Variants in MUC12 observed in about 807,000 individuals in gnomAD.
The protein encoded by MUC12 is mucin 12, cell surface associated.
A neutral mutation model predicts 230.8 loss-of-function variants in MUC12; 172 were observed. The observed-to-expected ratio is 0.75, with a 90% CI of 0.66 to 0.85. MUC12 has a LOEUF of 0.85. MUC12 is among the 40% of genes least tolerant of loss of function. The pLI is 0.00. For missense variants in MUC12, 3,506 were observed against 5,920.6 expected (o/e 0.59, Z 13.38); for synonymous variants, 1,259 against 2,401.9 (o/e 0.52, Z 13.91).
intron 1 of MUC12, among the ~76,000 whole-genome samples, chr7:100,989,244 G>A (rs974895411): frequency 6.6e-6 from 1 of 151,782 alleles, no homozygotes; most frequent in Non-Finnish European, 1.5e-5. Flanking sequence ...AAGTAGCTGG[G>A]ATTACAGGTG....
In MUC12 at chr7:100,992,449, G is replaced by A. The variant is rs1478588984; in HGVS notation, c.1886G>A (p.Gly629Glu). 2.0e-6 allele frequency: 3 copies of A among 1,537,910 alleles called. No individual in the cohort carries two copies. The highest frequency in any genetic ancestry group is 1.2e-5 in the South Asian group (1 of 84,068). Residue 629 changes from glycine to glutamate, a missense_variant, in exon 2 of 12, where the codon GGA (glycine) becomes GAA (glutamate). Coordinates refer to ENST00000536621, the MANE Select transcript of MUC12 (RefSeq NM_001164462.2). ...CCTGCCGGCTCTACAACCCGTCAGGGAGAATCTACCACATTCCATAGCTGG... is the reference window on the plus strand; with the variant it reads ...CCTGCCGGCTCTACAACCCGTCAGGAAGAATCTACCACATTCCATAGCTGG... ...LSPAGSTTRQ[G>E]ESTTFHSWPS...
intron 10 of MUC12, 116 bp downstream of exon 10, chr7:101,015,807 C>T: frequency 1.1e-6 from 1 of 901,290 alleles, no homozygotes; most frequent in Non-Finnish European, 1.7e-6. Flanking sequence ...GTGGCTGTGA[C>T]TGACAGCCCG....
intron 1 of MUC12, among the ~76,000 whole-genome samples, chr7:100,978,844 C>T (rs1793066764): frequency 6.6e-6 from 1 of 151,806 alleles, no homozygotes; most frequent in Admixed American, 6.6e-5. Context: ...GCGTCTTTCT[C>T]TGTTGCCCAG....
intron 1 of MUC12, among the ~76,000 whole-genome samples, chr7:100,986,401 G>C (rs1453684061): frequency 7.1e-6 from 1 of 141,072 alleles, no homozygotes; most frequent in Non-Finnish European, 1.5e-5. Context: ...CCAGGTAACA[G>C]AGTGAGACCC....
chr7:101,015,789 C>G (rs547059686), intron 10 of MUC12, 98 bp downstream of exon 10: 6 of 1,103,616 alleles, frequency 5.4e-6, no homozygotes, highest in African/African-American at 1.6e-5. Context: ...GTCCAGCCCC[C>G]CTTTGGGGTG....
chr7:101,018,694 G>T lies in MUC12; in HGVS notation c.*58G>T, dbSNP rs1019893654. The T allele has an allele frequency of 1.6e-4, 244 of 1,497,050 alleles. No individual in the cohort carries two copies. The highest frequency in any genetic ancestry group is 2.0e-4 in the Non-Finnish European group (225 of 1,120,258). The allele number at this position is 1,497,050 out of a possible 1,614,324, so 92.7% of individuals were successfully genotyped here. A position where few individuals can be genotyped will look rare whatever the true frequency, so the allele number is the denominator to read the frequency against. On this transcript the variant is annotated 3_prime_UTR_variant, in exon 12 of 12. Transcript: ENST00000536621. ...TGTTCAGGAGAGCTGCAAACACAGA[G>T]CCCACCACAAGCCTCCGGGGCGGGT...
At chr7:101,006,094 G>C (rs375790661) in intron 2 of MUC12, among the ~76,000 whole-genome samples, 1 of 151,972 alleles carries the variant, frequency 6.6e-6, no homozygotes, top group East Asian at 1.9e-4. Flanking sequence ...CACCGCGCCG[G>C]GCCTCCTTCT....
At position 100,991,201 on chromosome 7, in the gene MUC12, C is replaced by A; in HGVS notation, c.638C>A (p.Thr213Lys). 6.5e-7 allele frequency: 1 copy of A among 1,537,754 alleles called. No homozygotes were observed. Among genetic ancestry groups the A allele is most frequent in the African/African-American group, 1.4e-5 (1 of 73,148 alleles). ...ACAACACTGTCCCCTGGCACTACCA[C>A]ACCATCATCCCTTGGTCCAGAATCT... ...TDTTLSPGTT[T>K]PSSLGPESTT... The change falls in exon 2 of 12, where the codon ACA (threonine) becomes AAA (lysine). Residue 213 changes from threonine to lysine, a missense_variant. Thr to Lys is a moderately conservative substitution (Grantham distance 78, BLOSUM62 -1). Transcript: ENST00000536621.
chr7:101,015,491 C>T (rs1201341525), intron 9 of MUC12, 124 bp from the exon 10 acceptor site: 5 of 750,238 alleles, frequency 6.7e-6, no homozygotes, highest in East Asian at 5.4e-5. Flanking sequence ...CTGCCATCAT[C>T]GCTGCCATCT....
At chr7:100,989,259 C>A (rs1292111445) in intron 1 of MUC12, among the ~76,000 whole-genome samples, 1 of 152,014 alleles carries the variant, frequency 6.6e-6, no homozygotes, top group African/African-American at 2.4e-5. Flanking sequence ...CAGGTGCCTG[C>A]CACCACACCC....
At chr7:101,011,926 T>C (rs1793844163) in intron 5 of MUC12, among the ~76,000 whole-genome samples, 1 of 152,210 alleles carries the variant, frequency 6.6e-6, no homozygotes, top group Admixed American at 6.5e-5. Context: ...TGCTGGATCA[T>C]GCATTAATTC....
chr7:100,982,882 T>G (rs1192996119), intron 1 of MUC12, among the ~76,000 whole-genome samples: 1 of 151,998 alleles, frequency 6.6e-6, no homozygotes, highest in Non-Finnish European at 1.5e-5. Flanking sequence ...TACAGGTGCA[T>G]GTACCACACT....
At chr7:100,972,839 C>T (rs764908280) in intron 1 of MUC12, 20 of 702,056 alleles carry the variant, frequency 2.8e-5, no homozygotes, top group East Asian at 8.0e-5. Flanking sequence ...ACTCTCTGCA[C>T]GCTTTTCTGG....
Position 101,004,625 on chromosome 7 carries a change from A to T in MUC12, c.14062A>T (p.Ser4688Cys), listed in dbSNP as rs2116342451. The change falls in exon 2 of 12, where the codon AGC becomes TGC. Residue 4688 changes from serine to cysteine, a missense_variant. Physicochemically the swap from Ser to Cys is moderately radical, Grantham distance 112. Transcript: ENST00000536621. ...TAGTGAGGAATCAACAGCATCCCAC[A>T]GCAGCCCAGATACAAATGGAATCAC... ...GRSEESTASH[S>C]SPDTNGITPL... 1 of 1,537,424 alleles carries T rather than the reference A, an allele frequency of 6.5e-7. No individual in the cohort carries two copies. The highest frequency in any genetic ancestry group is 8.7e-7 in the Non-Finnish European group (1 of 1,146,600).
At chr7:100,971,750 C>T (rs1201114680) in intron 1 of MUC12, among the ~76,000 whole-genome samples, 1 of 152,306 alleles carries the variant, frequency 6.6e-6, no homozygotes, top group Non-Finnish European at 1.5e-5. Flanking sequence ...AGGAGGGGTC[C>T]TCCCCATCCC....
chr7:100,972,785 T>C, intron 1 of MUC12: 1 of 685,698 alleles, frequency 1.5e-6, no homozygotes, highest in South Asian at 1.6e-5. Context: ...GAATGACAGG[T>C]GCGAGCCACC....
intron 4 of MUC12, 144 bp from the exon 5 acceptor site, chr7:101,008,951 G>A (rs1335748415): frequency 1.6e-6 from 2 of 1,238,702 alleles, no homozygotes; most frequent in Admixed American, 2.2e-5. Flanking sequence ...CATTATGGCA[G>A]AGGGAGCTTC....
In MUC12 at chr7:100,990,884, A is replaced by C. The variant is rs1388621296; in HGVS notation, c.321A>C (p.Gly107=). ...ACTCTGCAACCTCAGTTTTTGTTGG[A>C]GAACCTAAAACCTCACCCATCACTT... ...PSHSATSVFV[G]EPKTSPITSA... The change falls in exon 2 of 12, where the codon GGA becomes GGC. Residue 107 remains glycine (G), a synonymous_variant. Coordinates refer to ENST00000536621, the MANE Select transcript of MUC12 (RefSeq NM_001164462.2). The C allele has an allele frequency of 1.3e-6, 2 of 1,537,836 alleles. No individual in the cohort carries two copies. Among genetic ancestry groups the C allele is most frequent in the Admixed American group, 3.9e-5 (2 of 51,004 alleles).
At chr7:100,970,213 G>A (rs374951528) in intron 1 of MUC12, among the ~76,000 whole-genome samples, 3 of 152,304 alleles carry the variant, frequency 2.0e-5, no homozygotes, top group East Asian at 1.9e-4. Flanking sequence ...GGGGCCAGGC[G>A]TGGTGGCTCA....
Sources: allele counts gnomAD v4.1 joint callset (sites outside exome capture counted in the v4.1 genomes callset), GRCh38; gene constraint gnomAD v4.1.1; transcripts MANE v1.5; gene names NCBI Gene and HGNC (gene_info 2026-07-23, HGNC 2026-07-21).